Variants in NBEA observed in about 807,000 individuals in gnomAD.
NBEA encodes the protein neurobeachin, also known as lysosomal-trafficking regulator 2.
A neutral mutation model predicts 343.4 loss-of-function variants in NBEA; 44 were observed. The ratio of observed to expected loss-of-function variants is 0.13; its 90% CI spans 0.10 to 0.16. The LOEUF (loss-of-function observed/expected upper bound fraction) is 0.16, where lower values mean the gene tolerates loss of function less well. NBEA is among the 10% of genes least tolerant of loss of function. The pLI, the probability that NBEA is intolerant of heterozygous loss-of-function variation, is 1.00. For synonymous variants in NBEA, 1,175 were observed against 1,238.7 expected, an observed-to-expected ratio of 0.95 and a Z score of 1.08; for missense variants, 2,555 against 3,631.3, an observed-to-expected ratio of 0.70 and a Z score of 7.62.
intron 34 of NBEA, among the ~76,000 whole-genome samples, chr13:35,243,080 A>C (rs1420859908): frequency 6.6e-6 from 1 of 151,912 alleles, no homozygotes; most frequent in Non-Finnish European, 1.5e-5. Flanking sequence ...CTATGAATCT[A>C]TGCTAATGGG....
intron 10 of NBEA, among the ~76,000 whole-genome samples, chr13:35,083,136 TGGC>T (rs2064517261): frequency 6.6e-6 from 1 of 152,218 alleles, no homozygotes; most frequent in Non-Finnish European, 1.5e-5. Context: ...TCTGTACATA[TGGC>T]TAGCCAGTTT....
chr13:35,208,895 GT>G, intron 32 of NBEA, 41 bp downstream of exon 32: 1 of 1,351,708 alleles, frequency 7.4e-7, no homozygotes, highest in African/African-American at 1.5e-5. Context: ...ATCTTTTTAT[GT>G]TTTCTGTATC....
intron 4 of NBEA, among the ~76,000 whole-genome samples, chr13:35,047,118 G>T (rs2062884382): frequency 6.6e-6 from 1 of 151,840 alleles, no homozygotes; most frequent in South Asian, 2.1e-4. Context: ...TATTTATATT[G>T]TATGATAATA....
intron 10 of NBEA, among the ~76,000 whole-genome samples, chr13:35,084,538 G>A (rs548728064): frequency 2.0e-5 from 3 of 152,116 alleles, no homozygotes; most frequent in South Asian, 2.1e-4. Flanking sequence ...AACCAACGAG[G>A]ACAAAGACAC....
chr13:34,971,609 A>G (rs931239307), intron 1 of NBEA, among the ~76,000 whole-genome samples: 8 of 152,276 alleles, frequency 5.3e-5, no homozygotes, highest in African/African-American at 1.4e-4. Flanking sequence ...TATTGAGACA[A>G]TCATGTGGTT....
chr13:35,016,448 T>C (rs1236404249), intron 1 of NBEA, among the ~76,000 whole-genome samples: 1 of 152,148 alleles, frequency 6.6e-6, no homozygotes, highest in Non-Finnish European at 1.5e-5. Context: ...AACTCATTTG[T>C]TGAGTCCCGT....
intron 1 of NBEA, among the ~76,000 whole-genome samples, chr13:35,019,071 A>C (rs754395788): frequency 6.6e-6 from 1 of 150,910 alleles, no homozygotes. Context: ...TTTATTGATG[A>C]GCAAATCTTG....
intron 38 of NBEA, among the ~76,000 whole-genome samples, chr13:35,405,434 T>G (rs1472668025): frequency 6.6e-6 from 1 of 152,188 alleles, no homozygotes; most frequent in Non-Finnish European, 1.5e-5. Context: ...TTACATATAT[T>G]CCTTCTATCA....
At chr13:35,330,692 T>G (rs2152847929) in intron 36 of NBEA, among the ~76,000 whole-genome samples, 1 of 152,192 alleles carries the variant, frequency 6.6e-6, no homozygotes, top group South Asian at 2.1e-4. Flanking sequence ...TATTTTTATA[T>G]AATTGTTCAT....
intron 34 of NBEA, among the ~76,000 whole-genome samples, chr13:35,272,137 A>G (rs978209018): frequency 6.6e-6 from 1 of 152,234 alleles, no homozygotes; most frequent in Non-Finnish European, 1.5e-5. Context: ...AGGGAAGCCC[A>G]TCAGACTAAC....
intron 1 of NBEA, among the ~76,000 whole-genome samples, chr13:34,986,432 G>C (rs1255030482): frequency 1.3e-5 from 2 of 150,838 alleles, no homozygotes; most frequent in South Asian, 2.1e-4. Context: ...TTTTACATTT[G>C]CTGAGGAGTG....
At chr13:35,036,227 A>G (rs1282886930) in intron 1 of NBEA, among the ~76,000 whole-genome samples, 2 of 151,994 alleles carry the variant, frequency 1.3e-5, no homozygotes, top group African/African-American at 2.4e-5. Context: ...CATTATTTTA[A>G]CCTGATAACA....
intron 1 of NBEA, among the ~76,000 whole-genome samples, chr13:34,961,480 C>T (rs924237544): frequency 5.3e-5 from 8 of 152,052 alleles, no homozygotes; most frequent in African/African-American, 1.9e-4. Context: ...TCCCCTCCTC[C>T]TGCACGCACC....
At chr13:34,976,333 A>G (rs1486352663) in intron 1 of NBEA, among the ~76,000 whole-genome samples, 1 of 152,158 alleles carries the variant, frequency 6.6e-6, no homozygotes, top group Non-Finnish European at 1.5e-5. Context: ...ATGGTACCCA[A>G]ACCTCATATG....
chr13:35,305,537 G>A (rs1214509905), intron 35 of NBEA, among the ~76,000 whole-genome samples: 1 of 152,110 alleles, frequency 6.6e-6, no homozygotes, highest in Non-Finnish European at 1.5e-5. Flanking sequence ...ATGGGCAAAG[G>A]GACATGTGTT....
intron 1 of NBEA, among the ~76,000 whole-genome samples, chr13:34,979,908 G>T (rs933334067): frequency 6.6e-6 from 1 of 152,158 alleles, no homozygotes; most frequent in African/African-American, 2.4e-5. Flanking sequence ...TAAGGGTTCA[G>T]ATTTCTTTTT....
At chr13:35,374,501 A>C (rs2041632721) in intron 38 of NBEA, among the ~76,000 whole-genome samples, 1 of 152,232 alleles carries the variant, frequency 6.6e-6, no homozygotes, top group African/African-American at 2.4e-5. Context: ...ACAGACTTTA[A>C]ATTTGGAAAA....
chr13:35,464,323 C>A (rs1042847756), intron 40 of NBEA, among the ~76,000 whole-genome samples: 21 of 152,298 alleles, frequency 1.4e-4, no homozygotes, highest in Non-Finnish European at 2.5e-4. Flanking sequence ...TCTGGCCAAA[C>A]TTATTTACTG....
chr13:35,642,849 T>C (rs2084028421), intron 49 of NBEA, among the ~76,000 whole-genome samples: 2 of 151,928 alleles, frequency 1.3e-5, no homozygotes, highest in South Asian at 2.1e-4. Context: ...TTGGGCTGAA[T>C]GTAAGCTCTT....
Sources: allele counts gnomAD v4.1 joint callset (sites outside exome capture counted in the v4.1 genomes callset), GRCh38; gene constraint gnomAD v4.1.1; transcripts MANE v1.5; gene names NCBI Gene and HGNC (gene_info 2026-07-23, HGNC 2026-07-21).